CEP126: variants seen among roughly 807,000 people sequenced by gnomAD.
CEP126 encodes centrosomal protein of 126 kDa.
In CEP126, 74 loss-of-function variants were observed where a neutral mutation model predicts 107.8. That is an observed-to-expected ratio of 0.69 (90% CI 0.57 to 0.83). The LOEUF (loss-of-function observed/expected upper bound fraction) is 0.83. Ranked by LOEUF, CEP126 falls within the 40% of genes least tolerant of loss-of-function variation. The pLI is 0.00. For synonymous variants in CEP126, 449 were observed against 446.0 expected (o/e 1.01, Z -0.08); for missense variants, 1,237 against 1,281.9 (o/e 0.96, Z 0.53).
At chr11:101,993,841 CAT>C (rs1941413377) in intron 10 of CEP126, among the ~76,000 whole-genome samples, 1 of 152,176 alleles carries the variant, frequency 6.6e-6, no homozygotes, top group East Asian at 1.9e-4. Flanking sequence ...TTCTTGGTCA[CAT>C]GTGTGTCTTC....
At chr11:101,956,507 C>G (rs749451582) in intron 4 of CEP126, 5 of 456,586 alleles carry the variant, frequency 1.1e-5, no homozygotes, top group South Asian at 7.7e-5. Flanking sequence ...CCTTGCATCT[C>G]CCTGTCATTC....
At chr11:101,973,740 T>C (rs575310668) in intron 6 of CEP126, among the ~76,000 whole-genome samples, 1 of 152,188 alleles carries the variant, frequency 6.6e-6, no homozygotes, top group Non-Finnish European at 1.5e-5. Flanking sequence ...GTCTGGAAAC[T>C]GAATATAATA....
intron 6 of CEP126, among the ~76,000 whole-genome samples, chr11:101,977,113 AAT>A (rs745709793): frequency 1.2e-4 from 18 of 152,296 alleles, no homozygotes; most frequent in Non-Finnish European, 2.4e-4. Context: ...CTCACAGCAC[AAT>A]ATACATTTAG....
chr11:101,973,469 G>A (rs1371438038), intron 6 of CEP126, among the ~76,000 whole-genome samples: 3 of 152,098 alleles, frequency 2.0e-5, no homozygotes, highest in Non-Finnish European at 4.4e-5. Flanking sequence ...TGAACAATGA[G>A]AACACGTGGA....
intron 9 of CEP126, among the ~76,000 whole-genome samples, chr11:101,989,048 A>G (rs1941345859): frequency 6.6e-6 from 1 of 152,172 alleles, no homozygotes; most frequent in Non-Finnish European, 1.5e-5. Flanking sequence ...CAACCTTTAT[A>G]AAATGAACCA....
rs552236746 is a variant in CEP126 at position 101,917,779 on chromosome 11, T to G, written c.128+2367T>G. 1.8e-4 allele frequency among the ~76,000 whole-genome samples: 27 copies of G among 152,294 alleles called. 1 individual carries two copies. In the South Asian group the frequency reaches 2.5e-3, roughly 14 times the overall value. On this transcript the variant is annotated intron_variant, in intron 1 of 10. Coordinates refer to ENST00000263468, the MANE Select transcript of CEP126 (RefSeq NM_020802.4). ...TTGAACTTTCTCTCACCAACATCTT[T>G]GGCTATTTGTACCCCAATCATTCTG...
chr11:101,958,484 A>G, intron 5 of CEP126, 118 bp downstream of exon 5: 1 of 770,452 alleles, frequency 1.3e-6, no homozygotes, highest in Non-Finnish European at 2.1e-6. Context: ...CATGAAAGAC[A>G]GTGTGGATGA....
In CEP126 at chr11:101,997,751, T is replaced by C. The variant is rs1941460362; in HGVS notation, c.*108T>C. 1.3e-6 allele frequency: 2 copies of C among 1,484,566 alleles called. No individual in the cohort carries two copies. The highest frequency in any genetic ancestry group is 1.4e-5 in the African/African-American group (1 of 71,808). The allele number at this position is 1,484,566 out of a possible 1,614,324, so 92.0% of individuals were successfully genotyped here. ...GAAAACATGTGAGCAACAACCCCCA[T>C]GAACATTTGTCCTAACTCAGATTTT... is the stretch of plus-strand genomic sequence containing the variant. On this transcript the variant is annotated 3_prime_UTR_variant, in exon 11 of 11. Coordinates refer to ENST00000263468, the MANE Select transcript of CEP126 (RefSeq NM_020802.4).
At chr11:101,966,765 ACTT>A (rs1306150101) in intron 6 of CEP126, among the ~76,000 whole-genome samples, 1 of 151,620 alleles carries the variant, frequency 6.6e-6, no homozygotes, top group Non-Finnish European at 1.5e-5. Context: ...TAACTCCTCT[ACTT>A]CTTTTCTTTA....
rs145364548 is a variant in CEP126 at position 101,930,089 on chromosome 11, T to G, written c.248+7329T>G. The stretch of plus-strand genomic sequence containing the variant: ...AAACCCAGAGAACTTAAGCACCATG[T>G]CCTTTCTCAGGCGCCAGGGTCCCTA... On this transcript the variant is annotated intron_variant, in intron 2 of 10. Coordinates refer to ENST00000263468, the MANE Select transcript of CEP126 (RefSeq NM_020802.4). 8.3e-4 allele frequency among the ~76,000 whole-genome samples: 125 copies of G among 151,272 alleles called. 1 individual carries two copies. Among genetic ancestry groups the G allele is most frequent in the African/African-American group, 2.9e-3 (120 of 41,254 alleles).
intron 6 of CEP126, among the ~76,000 whole-genome samples, chr11:101,974,211 ATT>A (rs926580542): frequency 1.3e-5 from 2 of 152,182 alleles, no homozygotes; most frequent in African/African-American, 2.4e-5. Context: ...TTGGACAATA[ATT>A]TTAGGCAGTA....
intron 1 of CEP126, among the ~76,000 whole-genome samples, chr11:101,917,230 A>G (rs1940236179): frequency 6.6e-6 from 1 of 152,172 alleles, no homozygotes; most frequent in Non-Finnish European, 1.5e-5. Flanking sequence ...GAAAAACACT[A>G]AAGTACCTTT....
chr11:101,923,559 T>C (rs1940364107), intron 2 of CEP126, among the ~76,000 whole-genome samples: 1 of 152,332 alleles, frequency 6.6e-6, no homozygotes, highest in South Asian at 2.1e-4. Flanking sequence ...AATAAAAAAT[T>C]GTTTACCTGT....
chr11:101,977,421 A>G (rs1739914948), intron 6 of CEP126, among the ~76,000 whole-genome samples: 2 of 152,024 alleles, frequency 1.3e-5, no homozygotes, highest in South Asian at 4.2e-4. Context: ...TCACAAGGTC[A>G]AGAGATCGAA....
chr11:101,963,945 G>T, intron 6 of CEP126, 65 bp downstream of exon 6: 1 of 1,114,754 alleles, frequency 9.0e-7, no homozygotes, highest in Non-Finnish European at 1.3e-6. Flanking sequence ...ATGTGAAATT[G>T]TTCCTATTTA....
Position 101,963,048 on chromosome 11 carries a change from C to T in CEP126, c.2013C>T (p.Ser671=). 1 of 1,614,070 alleles carries T rather than the reference C, an allele frequency of 6.2e-7. No individual in the cohort carries two copies. The highest frequency in any genetic ancestry group is 8.5e-7 in the Non-Finnish European group (1 of 1,179,974). The stretch of plus-strand genomic sequence containing the variant: ...TCCACATTCAAAGTGGTGCTGGAAG[C>T]AACATAATTAGTGTTTCTACTTGTG... ...QQFHIQSGAG[S]NIISVSTCAV... The change falls in exon 6 of 11, where the codon AGC becomes AGT. Residue 671 remains serine, a synonymous_variant. Coordinates refer to ENST00000263468, the MANE Select transcript of CEP126 (RefSeq NM_020802.4).
intron 1 of CEP126, among the ~76,000 whole-genome samples, chr11:101,917,816 C>T (rs1940250985): frequency 6.6e-6 from 1 of 152,134 alleles, no homozygotes; most frequent in Non-Finnish European, 1.5e-5. Flanking sequence ...CTCAGCCACT[C>T]AATAACTACT....
At chr11:101,985,798 T>G (rs528288038) in intron 8 of CEP126, among the ~76,000 whole-genome samples, 1 of 152,208 alleles carries the variant, frequency 6.6e-6, no homozygotes, top group East Asian at 1.9e-4. Context: ...AATAAACATG[T>G]TTTATTTAGT....
intron 1 of CEP126, among the ~76,000 whole-genome samples, chr11:101,917,623 AG>A (rs1254022350): frequency 2.0e-5 from 3 of 150,290 alleles, no homozygotes; most frequent in Non-Finnish European, 4.4e-5. Flanking sequence ...AAAAAAAGGA[AG>A]GTCTCTCATG....
Sources: gnomAD v4.1 joint callset for allele counts (sites outside exome capture counted in the v4.1 genomes callset) on GRCh38, gnomAD v4.1.1 for gene constraint, MANE v1.5 for transcripts, NCBI Gene and HGNC (gene_info 2026-07-23, HGNC 2026-07-21) for gene names.